LRP1B: variants seen among roughly 807,000 people sequenced by gnomAD.
LRP1B encodes the protein LDL receptor related protein 1B.
Under a neutral mutation model 556.6 loss-of-function variants are expected in LRP1B, and 217 were observed. That is an observed-to-expected ratio of 0.39 (90% CI 0.35 to 0.44). The LOEUF (loss-of-function observed/expected upper bound fraction) is 0.44. LRP1B is among the 20% of genes least tolerant of loss of function. The pLI is 1.00. For missense variants in LRP1B, 5,053 were observed against 5,620.8 expected, an observed-to-expected ratio of 0.90 and a Z score of 3.23; for synonymous variants, 2,047 against 1,865.8, an observed-to-expected ratio of 1.10 and a Z score of -2.50.
chr2:142,108,650 G>A (rs2104984278), intron 1 of LRP1B, among the ~76,000 whole-genome samples: 1 of 152,278 alleles, frequency 6.6e-6, no homozygotes, highest in South Asian at 2.1e-4. Flanking sequence ...TTAAATGATT[G>A]AATACTGACA....
intron 41 of LRP1B, among the ~76,000 whole-genome samples, chr2:140,668,496 T>A (rs1465096021): frequency 6.6e-6 from 1 of 152,062 alleles, no homozygotes; most frequent in Non-Finnish European, 1.5e-5. Flanking sequence ...ATGTTTCACA[T>A]TGATTGTAAT....
intron 1 of LRP1B, among the ~76,000 whole-genome samples, chr2:141,867,052 T>C (rs1407925909): frequency 6.6e-6 from 1 of 152,110 alleles, no homozygotes; most frequent in African/African-American, 2.4e-5. Flanking sequence ...CTTTCGTATA[T>C]ACTAGTTATA....
intron 29 of LRP1B, among the ~76,000 whole-genome samples, 175 bp from the exon 30 acceptor site, chr2:140,841,267 T>C (rs546447640): frequency 1.1e-4 from 17 of 152,320 alleles, no homozygotes; most frequent in African/African-American, 4.1e-4. Context: ...GCATGAATAA[T>C]CATTAATGTC....
chr2:141,209,116 C>T (rs955052652), intron 6 of LRP1B, among the ~76,000 whole-genome samples: 2 of 151,990 alleles, frequency 1.3e-5, no homozygotes, highest in Admixed American at 6.6e-5. Flanking sequence ...GTATTCAGTA[C>T]TCAAATAAAA....
At chr2:140,730,358 A>G (rs907575466) in intron 35 of LRP1B, among the ~76,000 whole-genome samples, 5 of 152,214 alleles carry the variant, frequency 3.3e-5, no homozygotes, top group Admixed American at 3.3e-4. Context: ...ACATCATACA[A>G]GGCAATTCAC....
At chr2:140,504,155 G>A (rs72901703) in intron 53 of LRP1B, among the ~76,000 whole-genome samples, 29,800 of 151,966 alleles carry the variant, frequency 0.2, 3,596 homozygotes, top group Non-Finnish European at 0.27. Context: ...GTTCATCTCT[G>A]ATCAATCAAC....
intron 7 of LRP1B, among the ~76,000 whole-genome samples, chr2:141,142,363 T>C (rs1341841387): frequency 6.6e-6 from 1 of 152,172 alleles, no homozygotes; most frequent in Non-Finnish European, 1.5e-5. Flanking sequence ...TGAGCCCCTA[T>C]AGCCACTTAC....
In LRP1B at chr2:141,571,336, G is replaced by A. The variant is rs372519211; in HGVS notation, c.206-90803C>T. Among the ~76,000 whole-genome samples the A allele has an allele frequency of 8.0e-5, 12 of 150,182 alleles. No homozygotes were observed. In the East Asian group the frequency reaches 2.3e-3, roughly 29 times the overall value. ...CTACAGAAGAGGAGGCCTAACTATT[G>A]AAAGAAAAACAAACAAGCAGAAACC... On this transcript the variant is annotated intron_variant, in intron 2 of 90. Coordinates refer to ENST00000389484, the MANE Select transcript of LRP1B (RefSeq NM_018557.3).
chr2:141,492,837 A>G (rs1223502222), intron 2 of LRP1B, among the ~76,000 whole-genome samples: 1 of 152,174 alleles, frequency 6.6e-6, no homozygotes, highest in Non-Finnish European at 1.5e-5. Flanking sequence ...TATGCATTTT[A>G]TGTTTCAGAC....
intron 27 of LRP1B, among the ~76,000 whole-genome samples, chr2:140,863,231 T>C (rs1274168831): frequency 6.6e-6 from 1 of 152,180 alleles, no homozygotes; most frequent in Non-Finnish European, 1.5e-5. Context: ...TACACTTCAA[T>C]CCTGTCTCTC....
chr2:140,529,841 T>C (rs1452846295), intron 47 of LRP1B, among the ~76,000 whole-genome samples: 1 of 151,550 alleles, frequency 6.6e-6, no homozygotes, highest in Admixed American at 6.6e-5. Context: ...AGAAGAGGAG[T>C]ACAAAATGAC....
intron 35 of LRP1B, among the ~76,000 whole-genome samples, chr2:140,747,485 A>C (rs1300312713): frequency 6.6e-6 from 1 of 152,176 alleles, no homozygotes; most frequent in Non-Finnish European, 1.5e-5. Flanking sequence ...GTGTAGCCTC[A>C]AAATGCACAT....
intron 83 of LRP1B, among the ~76,000 whole-genome samples, chr2:140,298,495 TTACTC>T (rs569964856): frequency 1.1e-4 from 16 of 152,270 alleles, no homozygotes; most frequent in African/African-American, 2.6e-4. Flanking sequence ...TTTAGTAACA[TTACTC>T]TATTTGACTT....
chr2:140,972,926 T>G (rs939295488), intron 18 of LRP1B, among the ~76,000 whole-genome samples: 15 of 140,668 alleles, frequency 1.1e-4, no homozygotes, highest in Non-Finnish European at 1.7e-4. Context: ...ATAAATTTTT[T>G]GCTGATGCAG....
chr2:140,982,023 T>G (rs1260799346), intron 18 of LRP1B, 137 bp downstream of exon 18: 3 of 610,522 alleles, frequency 4.9e-6, no homozygotes, highest in African/African-American at 1.8e-5. Flanking sequence ...TCCAAAAGTT[T>G]GTAACAAAAA....
chr2:141,268,099 T>C (rs1234714172), intron 3 of LRP1B, among the ~76,000 whole-genome samples: 1 of 152,124 alleles, frequency 6.6e-6, no homozygotes, highest in Admixed American at 6.5e-5. Flanking sequence ...ATGTTCAACA[T>C]CATGAGATGA....
chr2:141,539,134 C>A (rs565297312), intron 2 of LRP1B, among the ~76,000 whole-genome samples: 82 of 152,196 alleles, frequency 5.4e-4, no homozygotes, highest in African/African-American at 1.9e-3. Flanking sequence ...TACCAACATT[C>A]CTGAATTGAA....
chr2:141,661,657 A>C (rs1342792957), intron 2 of LRP1B, among the ~76,000 whole-genome samples: 1 of 152,216 alleles, frequency 6.6e-6, no homozygotes, highest in East Asian at 1.9e-4. Context: ...AAAGAACAAA[A>C]CCTGCAAGAA....
At chr2:141,408,145 T>A (rs1690707932) in intron 3 of LRP1B, among the ~76,000 whole-genome samples, 2 of 147,352 alleles carry the variant, frequency 1.4e-5, no homozygotes. Context: ...GGTTCAATTT[T>A]TTTTTTTTTT....
Sources: gnomAD v4.1 joint callset for allele counts (sites outside exome capture counted in the v4.1 genomes callset) on GRCh38, gnomAD v4.1.1 for gene constraint, MANE v1.5 for transcripts, NCBI Gene and HGNC (gene_info 2026-07-23, HGNC 2026-07-21) for gene names.